The following SMC2 variants were observed in gnomAD, a reference collection of about 807,000 sequenced individuals.
The protein encoded by SMC2 is structural maintenance of chromosomes protein 2.
SMC2 carries 41 observed loss-of-function variants against 142.6 expected under a neutral mutation model. The ratio of observed to expected loss-of-function variants is 0.29; its 90% CI spans 0.22 to 0.37. The LOEUF (loss-of-function observed/expected upper bound fraction) is 0.37, where lower values mean the gene tolerates loss of function less well. SMC2 is among the 10% of genes least tolerant of loss of function. SMC2 has a pLI of 1.00. For missense variants in SMC2, 1,265 were observed against 1,373.7 expected, an observed-to-expected ratio of 0.92 and a Z score of 1.25; for synonymous variants, 463 against 457.5, an observed-to-expected ratio of 1.01 and a Z score of -0.15.
At chr9:104,115,106 C>T (rs1185314566) in intron 13 of SMC2, among the ~76,000 whole-genome samples, 1 of 152,020 alleles carries the variant, frequency 6.6e-6, no homozygotes, top group Non-Finnish European at 1.5e-5. Flanking sequence ...GAATAAATGA[C>T]CTGTTTTTGA....
intron 24 of SMC2, 137 bp downstream of exon 24, chr9:104,138,302 A>C (rs1488693237): frequency 1.5e-6 from 1 of 651,932 alleles, no homozygotes; most frequent in Non-Finnish European, 2.3e-6. Flanking sequence ...ATTTAAATAG[A>C]CTTATGTTTA....
Position 104,130,604 on chromosome 9 carries a change from T to C in SMC2, c.2991+759T>C, listed in dbSNP as rs567702520. On this transcript the variant is annotated intron_variant, in intron 21 of 24. Transcript: ENST00000374793. ...TTTACCATAATTTTTTTTAACTGTTTTTGGCATGAATATGCACAAAGAGTC... is the reference window on the plus strand; with the variant it reads ...TTTACCATAATTTTTTTTAACTGTTCTTGGCATGAATATGCACAAAGAGTC... 7.9e-5 allele frequency among the ~76,000 whole-genome samples: 12 copies of C among 152,302 alleles called. No homozygotes were observed. The South Asian group carries it at 2.3e-3, about 29-fold the overall frequency.
intron 16 of SMC2, among the ~76,000 whole-genome samples, chr9:104,122,069 T>C (rs1450798699): frequency 6.6e-6 from 1 of 152,196 alleles, no homozygotes; most frequent in Non-Finnish European, 1.5e-5. Flanking sequence ...AAATTAACCA[T>C]AGAGTAAATG....
intron 23 of SMC2, among the ~76,000 whole-genome samples, chr9:104,137,515 T>C (rs551270969): frequency 6.6e-6 from 1 of 152,170 alleles, no homozygotes; most frequent in East Asian, 1.9e-4. Context: ...TATTCACAAA[T>C]GGTACCAAAA....
Position 104,094,403 on chromosome 9 carries a change from A to G in SMC2, c.-136A>G. ...TTCGCTTTGTAGCGGCCCCGGCTAG[A>G]GAGTTGTTCTGTTCCCTGCCTTTGT... On this transcript the variant is annotated 5_prime_UTR_variant, in exon 1 of 25. Coordinates refer to ENST00000374793, the MANE Select transcript of SMC2 (RefSeq NM_006444.3). 2.5e-6 allele frequency: 1 copy of G among 398,834 alleles called. No homozygotes were observed. The highest frequency in any genetic ancestry group is 4.4e-6 in the Non-Finnish European group (1 of 226,272). The allele number at this position is 398,834 out of a possible 1,614,324, so 24.7% of individuals were successfully genotyped here.
chr9:104,114,956 C>CTATT, intron 13 of SMC2, 127 bp downstream of exon 13: 2 of 647,092 alleles, frequency 3.1e-6, no homozygotes, highest in Non-Finnish European at 4.7e-6. Context: ...TAGGGTAAAA[C>CTATT]TATTTGGTTC....
chr9:104,126,699 A>C lies in SMC2; in HGVS notation c.2510A>C (p.Lys837Thr). Residue 837 changes from lysine (K) to threonine (T), a missense_variant, in exon 19 of 25, where the codon AAA (lysine) becomes ACA (threonine). By Grantham distance (78) the Lys-to-Thr change is moderately conservative (BLOSUM62 -1). Coordinates refer to ENST00000374793, the MANE Select transcript of SMC2 (RefSeq NM_006444.3). ...EELKREHTSY[K>T]QQLEAVNEAI... is the part of the protein sequence containing the mutation. ...CTCAAGAGAGAGCATACATCTTACAAACAACAGCTTGAAGCTGTAAATGAA... is the reference window on the plus strand; with the variant it reads ...CTCAAGAGAGAGCATACATCTTACACACAACAGCTTGAAGCTGTAAATGAA... The C allele has an allele frequency of 2.5e-6, 4 of 1,612,936 alleles. No individual in the cohort carries two copies. The highest frequency in any genetic ancestry group is 3.4e-6 in the Non-Finnish European group (4 of 1,179,536).
chr9:104,115,246 GTTTT>G (rs199500651), intron 13 of SMC2, among the ~76,000 whole-genome samples: 1 of 146,812 alleles, frequency 6.8e-6, no homozygotes, highest in Non-Finnish European at 1.5e-5. Context: ...TTACTTCCTT[GTTTT>G]TTTTTTAATT....
At chr9:104,097,733 C>G (rs924517265) in intron 3 of SMC2, among the ~76,000 whole-genome samples, 3 of 152,090 alleles carry the variant, frequency 2.0e-5, no homozygotes, top group Non-Finnish European at 2.9e-5. Context: ...ATATGAACTA[C>G]CAACCTAGTA....
rs190899499 is a variant in SMC2, at chr9:104,114,097, C to T, written c.1532+16C>T. ...TTGCATACAAGTAAGAGACTTAAGC[C>T]TTGAATTTTAACATAGTAATAATCA... On this transcript the variant is annotated intron_variant, in intron 12 of 24. Transcript: ENST00000374793. 800 of 1,381,750 alleles carry T rather than the reference C, an allele frequency of 5.8e-4. 6 individuals carry two copies. In the African/African-American group the frequency reaches 0.011, roughly 19 times the overall value. The allele number at this position is 1,381,750 out of a possible 1,614,324, so 85.6% of individuals were successfully genotyped here. A position where few individuals can be genotyped will look rare whatever the true frequency, so the allele number is the denominator to read the frequency against.
intron 17 of SMC2, 103 bp downstream of exon 17, chr9:104,123,335 A>G (rs10991114): frequency 0.38 from 442,426 of 1,153,002 alleles, 88,415 homozygotes; most frequent in Middle Eastern, 0.47. Context: ...TATATATGAT[A>G]AAGTTTATTT....
chr9:104,107,887 A>G (rs758826148), intron 9 of SMC2, among the ~76,000 whole-genome samples: 1 of 152,162 alleles, frequency 6.6e-6, no homozygotes, highest in African/African-American at 2.4e-5. Flanking sequence ...TTCGCTGAGT[A>G]ACTTAAGAGG....
chr9:104,136,275 C>T (rs1835517589), intron 23 of SMC2, among the ~76,000 whole-genome samples: 1 of 152,000 alleles, frequency 6.6e-6, no homozygotes, highest in Non-Finnish European at 1.5e-5. Flanking sequence ...ATATTGACAC[C>T]TGTTAATGTT....
intron 22 of SMC2, among the ~76,000 whole-genome samples, chr9:104,133,820 G>A (rs930742848): frequency 6.6e-6 from 1 of 152,116 alleles, no homozygotes; most frequent in African/African-American, 2.4e-5. Flanking sequence ...TCTTCGGCTA[G>A]GAGATGAGGC....
At chr9:104,091,916 G>C (rs545711125), upstream of SMC2, among the ~76,000 whole-genome samples, 31 of 152,262 alleles carry the variant, frequency 2.0e-4, no homozygotes, top group African/African-American at 7.0e-4. Flanking sequence ...CCAGATTTCT[G>C]CTTGAAACAC....
intron 9 of SMC2, among the ~76,000 whole-genome samples, chr9:104,105,536 A>G (rs192312373): frequency 7.9e-5 from 12 of 152,240 alleles, no homozygotes; most frequent in African/African-American, 2.9e-4. Flanking sequence ...TCTCCCATGC[A>G]AAACTGTTCA....
At position 104,132,012 on chromosome 9, in the gene SMC2, A is replaced by C. The variant is rs746227793; in HGVS notation, c.2995A>C (p.Asn999His). The change falls in exon 22 of 25, where the codon AAT (asparagine) becomes CAT (histidine). Residue 999 changes from asparagine to histidine, a missense_variant. By Grantham distance (68) the Asn-to-His change is moderately conservative. This residue lies in a region of SMC2 where 192 missense variants were observed against 261.9 expected (regional missense o/e 0.73). Transcript: ENST00000374793. ...NVLTEAEERYNDLMKKKRIVE... is the reference protein window; with the variant it reads ...NVLTEAEERYHDLMKKKRIVE... ...AACCATGTTTTTTATCTCATAGTAC[A>C]ATGACTTGATGAAGAAGAAGAGAAT... is the stretch of plus-strand genomic sequence containing the variant. 1.5e-5 allele frequency: 22 copies of C among 1,466,856 alleles called. 1 individual carries two copies. In the South Asian group the frequency reaches 2.6e-4, roughly 18 times the overall value. 90.9% of individuals were successfully genotyped at this position (1,466,856 alleles called of 1,614,324 possible). A position where few individuals can be genotyped will look rare whatever the true frequency, so the allele number is the denominator to read the frequency against.
rs1481663938 is a variant in SMC2, at chr9:104,140,987, C to T, written c.*1672C>T. On this transcript the variant is annotated 3_prime_UTR_variant, in exon 25 of 25. Transcript: ENST00000374793. ...AAAAATGTTTTGCTTGTGTGCGTTC[C>T]TGATTTTTGTCTTGTATAATCTTGA... 2 of 152,080 alleles carry T rather than the reference C, an allele frequency of 1.3e-5. No individual in the cohort carries two copies. The highest frequency in any genetic ancestry group is 2.9e-5 in the Non-Finnish European group (2 of 68,010). 9.4% of individuals were successfully genotyped at this position (152,080 alleles called of 1,614,324 possible). A position where few individuals can be genotyped will look rare whatever the true frequency, so the allele number is the denominator to read the frequency against.
chr9:104,126,447 CT>C (rs200351466), intron 18 of SMC2, among the ~76,000 whole-genome samples, 193 bp from the exon 19 acceptor site: 20 of 149,880 alleles, frequency 1.3e-4, no homozygotes, highest in East Asian at 5.9e-4. Flanking sequence ...ATTACACATA[CT>C]TTTTTTTTTG....
Sources: gnomAD v4.1 joint callset for allele counts (sites outside exome capture counted in the v4.1 genomes callset) on GRCh38, gnomAD v4.1.1 for gene constraint, gnomAD v4.1.1 regional missense constraint, MANE v1.5 for transcripts, NCBI Gene and HGNC (gene_info 2026-07-23, HGNC 2026-07-21) for gene names.